KIRREL1: variants seen among roughly 807,000 people sequenced by gnomAD.
KIRREL1 encodes kirre like nephrin family adhesion molecule 1.
A neutral mutation model predicts 83.3 loss-of-function variants in KIRREL1; 25 were observed. The observed-to-expected ratio is 0.30, with a 90% CI of 0.22 to 0.42. The LOEUF (loss-of-function observed/expected upper bound fraction) is 0.42, where lower values mean the gene tolerates loss of function less well. Ranked by LOEUF, KIRREL1 falls within the 10% of genes least tolerant of loss-of-function variation. The probability of loss-of-function intolerance (pLI) is 1.00; values close to 1 mark genes in which losing one functional copy is unlikely to be tolerated. For synonymous variants in KIRREL1, 388 were observed against 410.4 expected (o/e 0.95, Z 0.66); for missense variants, 812 against 1,032.3 (o/e 0.79, Z 2.92).
At chr1:158,079,492 G>T (rs1210950554) in intron 3 of KIRREL1, among the ~76,000 whole-genome samples, 1 of 152,164 alleles carries the variant, frequency 6.6e-6, no homozygotes, top group African/African-American at 2.4e-5. Flanking sequence ...GTTAATTTTT[G>T]TATTTTTTAG....
chr1:158,032,232 G>A (rs1660348541), intron 1 of KIRREL1, among the ~76,000 whole-genome samples: 1 of 152,230 alleles, frequency 6.6e-6, no homozygotes, highest in South Asian at 2.1e-4. Context: ...GAAGTCAGGG[G>A]CAGGGATTCT....
Position 158,095,610 on chromosome 1 carries a change from G to T in KIRREL1, c.*490G>T. 1 of 154,642 alleles carries T rather than the reference G, an allele frequency of 6.5e-6. No individual in the cohort carries two copies. Among genetic ancestry groups the T allele is most frequent in the Non-Finnish European group, 1.4e-5 (1 of 69,932 alleles). The allele number at this position is 154,642 out of a possible 1,614,324, so 9.6% of individuals were successfully genotyped here. A position where few individuals can be genotyped will look rare whatever the true frequency, so the allele number is the denominator to read the frequency against. On this transcript the variant is annotated 3_prime_UTR_variant, in exon 15 of 15. Coordinates refer to ENST00000359209, the MANE Select transcript of KIRREL1 (RefSeq NM_018240.7). ...TGTTGTCTGCATTCGTGCCCTGGGT[G>T]CCTCTCTCCTTCCTCAGGGTACTGC...
At chr1:158,063,943 A>C (rs983436342) in intron 1 of KIRREL1, among the ~76,000 whole-genome samples, 2 of 152,124 alleles carry the variant, frequency 1.3e-5, no homozygotes, top group African/African-American at 4.8e-5. Flanking sequence ...TGTCGTGTTC[A>C]CCTTTGTATT....
At chr1:158,051,226 C>G (rs1660903335) in intron 1 of KIRREL1, among the ~76,000 whole-genome samples, 1 of 152,130 alleles carries the variant, frequency 6.6e-6, no homozygotes, top group African/African-American at 2.4e-5. Flanking sequence ...TGTCCCCTTG[C>G]CTTTGTGCCT....
intron 1 of KIRREL1, among the ~76,000 whole-genome samples, chr1:158,010,396 TACACACACACACACACACACACACACAC>T (rs56077512): frequency 1.1e-3 from 47 of 44,590 alleles, no homozygotes; most frequent in Admixed American, 1.1e-3. Context: ...CACACATGCA[TACACACACACACACACACACACACACAC>T]ACACACACAC....
intron 1 of KIRREL1, among the ~76,000 whole-genome samples, chr1:158,075,100 T>G (rs1661639619): frequency 6.6e-6 from 1 of 152,140 alleles, no homozygotes; most frequent in African/African-American, 2.4e-5. Context: ...CTGAGCCCCA[T>G]AGCTCACATA....
In KIRREL1 at chr1:158,087,986, T is replaced by G; in HGVS notation, c.768-20T>G. On this transcript the variant is annotated intron_variant, in intron 6 of 14. Transcript: ENST00000359209. ...AGGGTCTGAGGCCTGATCCCACCTC[T>G]GTGTTGCCTCCTCCCCTAGGTGGGC... The G allele has an allele frequency of 6.2e-7, 1 of 1,613,964 alleles. No homozygotes were observed. Among genetic ancestry groups the G allele is most frequent in the Non-Finnish European group, 8.5e-7 (1 of 1,179,872 alleles).
Position 158,097,382 on chromosome 1 carries a change from T to A in KIRREL1, c.*2262T>A, listed in dbSNP as rs779976843. ...GCTAGATTCTCTTATTTATCCCCTT[T>A]TAGCTTAAGTATTAGTTTCATTCTA... On this transcript the variant is annotated 3_prime_UTR_variant, in exon 15 of 15. Transcript: ENST00000359209. 1 of 296,318 alleles carries A rather than the reference T, an allele frequency of 3.4e-6. No homozygotes were observed. Among genetic ancestry groups the A allele is most frequent in the South Asian group, 3.3e-5 (1 of 30,410 alleles). The allele number at this position is 296,318 out of a possible 1,614,324, so 18.4% of individuals were successfully genotyped here. A position where few individuals can be genotyped will look rare whatever the true frequency, so the allele number is the denominator to read the frequency against.
intron 1 of KIRREL1, among the ~76,000 whole-genome samples, chr1:158,015,131 C>G (rs1012653969): frequency 2.6e-5 from 4 of 152,186 alleles, no homozygotes; most frequent in Admixed American, 2.6e-4. Flanking sequence ...CCCCAGACAT[C>G]ACAACAGCTG....
chr1:158,068,711 G>T (rs998937129), intron 1 of KIRREL1, among the ~76,000 whole-genome samples: 2 of 152,118 alleles, frequency 1.3e-5, no homozygotes, highest in Non-Finnish European at 2.9e-5. Context: ...CCAGCCTAGA[G>T]AATTGAAATC....
intron 2 of KIRREL1, 130 bp from the exon 3 acceptor site, chr1:158,077,861 G>T (rs1661729013): frequency 1.9e-6 from 2 of 1,042,788 alleles, no homozygotes; most frequent in Non-Finnish European, 2.9e-6. Flanking sequence ...TCAGGTGTCT[G>T]TGTCTGGGGC....
chr1:158,024,141 G>A (rs1474855906), intron 1 of KIRREL1, among the ~76,000 whole-genome samples: 4 of 152,010 alleles, frequency 2.6e-5, no homozygotes, highest in Non-Finnish European at 5.9e-5. Flanking sequence ...TAGAGACGGG[G>A]TTTCACCATG....
intron 1 of KIRREL1, among the ~76,000 whole-genome samples, chr1:158,072,835 G>C (rs1288551901): frequency 1.3e-5 from 2 of 150,702 alleles, no homozygotes; most frequent in African/African-American, 4.9e-5. Context: ...AAAGTGAGCA[G>C]TGAGGTGCAG....
intron 1 of KIRREL1, among the ~76,000 whole-genome samples, chr1:158,005,749 C>T (rs1659499955): frequency 6.6e-6 from 1 of 152,214 alleles, no homozygotes; most frequent in Admixed American, 6.5e-5. Context: ...CAGTGGGGAA[C>T]TGTCTTCCGG....
intron 2 of KIRREL1, 147 bp from the exon 3 acceptor site, chr1:158,077,844 C>T (rs554712055): frequency 4.7e-6 from 4 of 860,022 alleles, no homozygotes; most frequent in East Asian, 2.5e-5. Context: ...CGTGAGGTGT[C>T]GTGGCATCAG....
intron 9 of KIRREL1, 42 bp downstream of exon 9, chr1:158,089,670 G>A (rs1450033313): frequency 1.2e-6 from 2 of 1,613,894 alleles, no homozygotes; most frequent in South Asian, 1.1e-5. Context: ...TGGGCGGGCT[G>A]GTACTGCAGT....
intron 1 of KIRREL1, among the ~76,000 whole-genome samples, chr1:158,044,267 A>G (rs1660715558): frequency 6.6e-6 from 1 of 152,118 alleles, no homozygotes; most frequent in African/African-American, 2.4e-5. Flanking sequence ...CTGCCTCCAG[A>G]GCCAGGTCAG....
intron 1 of KIRREL1, among the ~76,000 whole-genome samples, chr1:158,055,752 C>T (rs1661039636): frequency 6.6e-6 from 1 of 152,228 alleles, no homozygotes; most frequent in Non-Finnish European, 1.5e-5. Flanking sequence ...AACCTACCCA[C>T]CTTGATATCT....
chr1:158,024,554 C>T (rs1413420359), intron 1 of KIRREL1, among the ~76,000 whole-genome samples: 1 of 152,042 alleles, frequency 6.6e-6, no homozygotes, highest in Non-Finnish European at 1.5e-5. Context: ...GCTCCAATTA[C>T]AGGTGTGAGC....
Sources: gnomAD v4.1 joint callset for allele counts (sites outside exome capture counted in the v4.1 genomes callset) on GRCh38, gnomAD v4.1.1 for gene constraint, MANE v1.5 for transcripts, NCBI Gene and HGNC (gene_info 2026-07-23, HGNC 2026-07-21) for gene names.